Variants in HTRA1 observed in about 807,000 individuals in gnomAD.
HTRA1 encodes the protein HtrA serine peptidase 1.
Under a neutral mutation model 49.7 loss-of-function variants are expected in HTRA1, and 26 were observed. That is an observed-to-expected ratio of 0.52 (90% confidence interval 0.38 to 0.73). HTRA1 has a LOEUF of 0.73. HTRA1 is among the 30% of genes least tolerant of loss of function. The pLI, the probability that HTRA1 is intolerant of heterozygous loss-of-function variation, is 0.00. For missense variants in HTRA1, 561 were observed against 667.2 expected, an observed-to-expected ratio of 0.84 and a Z score of 1.75; for synonymous variants, 291 against 286.9, an observed-to-expected ratio of 1.01 and a Z score of -0.14.
At chr10:122,489,128 G>T in intron 2 of HTRA1, 127 bp downstream of exon 2, 1 of 765,440 alleles carries the variant, frequency 1.3e-6, no homozygotes, top group Non-Finnish European at 2.3e-6. Context: ...CTTAAGATAA[G>T]TGTGTCTCCC....
chr10:122,488,328 G>C (rs2097493976), intron 1 of HTRA1, among the ~76,000 whole-genome samples: 1 of 152,130 alleles, frequency 6.6e-6, no homozygotes. Flanking sequence ...AGCACTTTGG[G>C]AGGCCGAGGC....
rs151257979 is a variant in HTRA1 at position 122,490,500 on chromosome 10, T to C, written c.777+874T>C. Among the ~76,000 whole-genome samples, 1,397 of 152,284 alleles carry C rather than the reference T, an allele frequency of 9.2e-3. 25 individuals carry two copies. Among genetic ancestry groups the C allele is most frequent in the African/African-American group, 0.032 (1,327 of 41,552 alleles). On this transcript the variant is annotated intron_variant, in intron 3 of 8. Transcript: ENST00000368984. The surrounding 1 kb of genome is among the most constrained non-coding windows in gnomAD (Gnocchi z 4.2). ...ACACGTCGATGAGAGAGGTTTTGTT[T>C]GCTGTGTGGCATGTTCAGTGAAAGC... is the stretch of plus-strand genomic sequence containing the variant.
intron 4 of HTRA1, 41 bp from the exon 5 acceptor site, chr10:122,507,329 A>G (rs755846704): frequency 1.3e-6 from 2 of 1,577,972 alleles, no homozygotes; most frequent in East Asian, 2.2e-5. Flanking sequence ...GAACCATGTT[A>G]TGACACGATT....
intron 1 of HTRA1, among the ~76,000 whole-genome samples, chr10:122,463,432 C>CT (rs978918698): frequency 1.4e-4 from 21 of 152,322 alleles, no homozygotes; most frequent in African/African-American, 5.1e-4. Flanking sequence ...GTTGAGCACC[C>CT]AGTCTGTGTG....
In HTRA1 at chr10:122,461,756, C is replaced by T. The variant is rs1335120469; in HGVS notation, c.104C>T (p.Ala35Val). 5.4e-6 allele frequency: 6 copies of T among 1,107,838 alleles called. No homozygotes were observed. The highest frequency in any genetic ancestry group is 4.0e-4 in the Middle Eastern group (1 of 2,486). The allele number at this position is 1,107,838 out of a possible 1,614,324, so 68.6% of individuals were successfully genotyped here. A position where few individuals can be genotyped will look rare whatever the true frequency, so the allele number is the denominator to read the frequency against. The change falls in exon 1 of 9, where the codon GCC becomes GTC. Residue 35 changes from alanine to valine, a missense_variant. Around this residue, in one of 3 missense-constraint regions of HTRA1, gnomAD observed 111 missense variants for 83.7 expected, o/e 1.33. Coordinates refer to ENST00000368984, the MANE Select transcript of HTRA1 (RefSeq NM_002775.5). ...GCCGGCCGCTCGGCGCCTTTGGCCG[C>T]CGGGTGCCCAGACCGCTGCGAGCCG... is the stretch of plus-strand genomic sequence containing the variant. Reference protein sequence around the residue: ...SRAGRSAPLAAGCPDRCEPAR... With the variant: ...SRAGRSAPLAVGCPDRCEPAR...
intron 1 of HTRA1, among the ~76,000 whole-genome samples, chr10:122,479,250 T>C (rs2097489932): frequency 6.6e-6 from 1 of 152,074 alleles, no homozygotes; most frequent in Non-Finnish European, 1.5e-5. Flanking sequence ...GTTCCCACAA[T>C]GGTGTGGGCT....
intron 1 of HTRA1, among the ~76,000 whole-genome samples, chr10:122,467,924 G>A (rs953029004): frequency 6.6e-6 from 1 of 152,262 alleles, no homozygotes; most frequent in East Asian, 1.9e-4. Flanking sequence ...AACCACAGGG[G>A]GACATTAGCC....
Position 122,494,923 on chromosome 10 carries a change from C to T in HTRA1, c.777+5297C>T, listed in dbSNP as rs568912371. On this transcript the variant is annotated intron_variant, in intron 3 of 8. Coordinates refer to ENST00000368984, the MANE Select transcript of HTRA1 (RefSeq NM_002775.5). The surrounding 1 kb of genome is among the most constrained non-coding windows in gnomAD (Gnocchi z 4.0). ...TCCAGGCCACCAGAACTTGGCCCTG[C>T]GCATGGTGAATCTTCCCTGAGTCAG... Among the ~76,000 whole-genome samples the T allele has an allele frequency of 1.1e-4, 16 of 152,254 alleles. No homozygotes were observed. The highest frequency in any genetic ancestry group is 1.8e-4 in the Non-Finnish European group (12 of 68,012).
intron 3 of HTRA1, among the ~76,000 whole-genome samples, chr10:122,500,679 C>G (rs1220843882): frequency 6.6e-6 from 1 of 152,160 alleles, no homozygotes. Flanking sequence ...TTCTGCCCCA[C>G]CTTGGTTGAT....
chr10:122,510,221 G>A, intron 7 of HTRA1, 68 bp downstream of exon 7: 6 of 1,303,432 alleles, frequency 4.6e-6, no homozygotes, highest in South Asian at 1.2e-5. Flanking sequence ...GGTGCTCACG[G>A]GCACCCCTGA....
intron 3 of HTRA1, among the ~76,000 whole-genome samples, chr10:122,501,612 C>A (rs141267296): frequency 6.6e-6 from 1 of 152,182 alleles, no homozygotes; most frequent in African/African-American, 2.4e-5. Context: ...CAGGCAAATT[C>A]GCAGGGTCCA....
chr10:122,514,052 A>C, intron 8 of HTRA1, 139 bp from the exon 9 acceptor site: 1 of 875,618 alleles, frequency 1.1e-6, no homozygotes, highest in Non-Finnish European at 1.9e-6. Flanking sequence ...TGATGGTTTG[A>C]ATTATTCTAA....
At position 122,490,481 on chromosome 10, in the gene HTRA1, C is replaced by T. The variant is rs1357420477; in HGVS notation, c.777+855C>T. On this transcript the variant is annotated intron_variant, in intron 3 of 8. Transcript: ENST00000368984. This position sits in a 1 kb window ranked among gnomAD's most constrained non-coding sequence, Gnocchi z 4.2. The stretch of plus-strand genomic sequence containing the variant: ...CATCAAAAACCCCCACTCGACACGT[C>T]GATGAGAGAGGTTTTGTTTGCTGTG... 2.0e-5 allele frequency among the ~76,000 whole-genome samples: 3 copies of T among 152,164 alleles called. No homozygotes were observed. Among genetic ancestry groups the T allele is most frequent in the South Asian group, 2.1e-4 (1 of 4,830 alleles).
intron 3 of HTRA1, among the ~76,000 whole-genome samples, chr10:122,501,268 G>T (rs1328256270): frequency 6.6e-6 from 1 of 152,152 alleles, no homozygotes; most frequent in Non-Finnish European, 1.5e-5. Flanking sequence ...CCCAGATTCT[G>T]CTCCCATCAC....
chr10:122,489,700 T>G, intron 3 of HTRA1, 74 bp downstream of exon 3: 10 of 1,376,806 alleles, frequency 7.3e-6, no homozygotes, highest in Non-Finnish European at 1.0e-5. Context: ...ACCAGAGCTC[T>G]CTGATTGCAG....
chr10:122,468,574 G>A (rs11814007), intron 1 of HTRA1, among the ~76,000 whole-genome samples: 4,204 of 152,158 alleles, frequency 0.028, 189 homozygotes, highest in African/African-American at 0.097. Flanking sequence ...ACTTCTGTCC[G>A]GGAGCTGACT....
At position 122,461,570 on chromosome 10, in the gene HTRA1, C is replaced by A; in HGVS notation, c.-83C>A. ...CCGCGCGCACTCGCACCCGCTGCCC[C>A]CGAGGCCCTCCTGCACTCTCCCCGG... On this transcript the variant is annotated 5_prime_UTR_variant, in exon 1 of 9. Coordinates refer to ENST00000368984, the MANE Select transcript of HTRA1 (RefSeq NM_002775.5). 1.2e-6 allele frequency: 1 copy of A among 824,344 alleles called. No homozygotes were observed. The highest frequency in any genetic ancestry group is 1.7e-6 in the Non-Finnish European group (1 of 602,194). The allele number at this position is 824,344 out of a possible 1,614,324, so 51.1% of individuals were successfully genotyped here. A position where few individuals can be genotyped will look rare whatever the true frequency, so the allele number is the denominator to read the frequency against.
chr10:122,470,194 T>C (rs1433632108), intron 1 of HTRA1, among the ~76,000 whole-genome samples: 1 of 152,246 alleles, frequency 6.6e-6, no homozygotes, highest in Non-Finnish European at 1.5e-5. Context: ...GAGTCTATTC[T>C]GAAACACTGA....
chr10:122,475,251 G>A lies in HTRA1; in HGVS notation c.472+13127G>A, dbSNP rs368950237. 3.9e-5 allele frequency among the ~76,000 whole-genome samples: 6 copies of A among 152,302 alleles called. No individual in the cohort carries two copies. In the East Asian group the frequency reaches 7.7e-4, roughly 20 times the overall value. ...TCAAGGCACCCGGGACATGCAGGACGGGGGAGCAGCCTGAGGTCTGGCGTC... is the reference window on the plus strand; with the variant it reads ...TCAAGGCACCCGGGACATGCAGGACAGGGGAGCAGCCTGAGGTCTGGCGTC... On this transcript the variant is annotated intron_variant, in intron 1 of 8. Transcript: ENST00000368984.
Sources: gnomAD v4.1 joint callset for allele counts (sites outside exome capture counted in the v4.1 genomes callset) on GRCh38, gnomAD v4.1.1 for gene constraint, gnomAD v4.1.1 regional missense constraint, Gnocchi (gnomAD v3.1) non-coding constraint, MANE v1.5 for transcripts, NCBI Gene and HGNC (gene_info 2026-07-23, HGNC 2026-07-21) for gene names.